VPS39: variants seen among roughly 807,000 people sequenced by gnomAD.
The protein encoded by VPS39 is vam6/Vps39-like protein.
A neutral mutation model predicts 121.0 loss-of-function variants in VPS39; 70 were observed. The ratio of observed to expected loss-of-function variants is 0.58; its 90% confidence interval spans 0.48 to 0.71. VPS39 has a LOEUF of 0.71. Among genes scored for constraint, VPS39 ranks in the 30% least tolerant of loss-of-function variants. The pLI, the probability that VPS39 is intolerant of heterozygous loss-of-function variation, is 0.00. For synonymous variants in VPS39, 378 were observed against 398.1 expected (o/e 0.95, Z 0.60); for missense variants, 818 against 1,051.5 (o/e 0.78, Z 3.07).
intron 8 of VPS39, among the ~76,000 whole-genome samples, chr15:42,179,346 G>A (rs2049525953): frequency 6.6e-6 from 1 of 151,692 alleles, no homozygotes; most frequent in Non-Finnish European, 1.5e-5. Flanking sequence ...GAGGCAGGTG[G>A]ATCACGAGGT....
At chr15:42,166,082 T>C in intron 16 of VPS39, 77 bp downstream of exon 16, 1 of 1,407,518 alleles carries the variant, frequency 7.1e-7, no homozygotes, top group Non-Finnish European at 1.0e-6. Flanking sequence ...TCCACCCTCC[T>C]CTCCATCCAC....
intron 1 of VPS39, among the ~76,000 whole-genome samples, chr15:42,201,758 A>C (rs1288420280): frequency 6.6e-6 from 1 of 152,196 alleles, no homozygotes. Context: ...ACATCATTCA[A>C]GGAAGGTAAG....
At chr15:42,180,355 C>CT in intron 8 of VPS39, among the ~76,000 whole-genome samples, 1 of 152,288 alleles carries the variant, frequency 6.6e-6, no homozygotes, top group Middle Eastern at 3.4e-3. Context: ...GGTTATACTC[C>CT]TTTTCTTCAC....
chr15:42,166,916 GC>G lies in VPS39; in HGVS notation c.1378-4del, dbSNP rs1204464997. ...GGGGCCACCAGGGCCACATTTGTCT[GC>G]AGAAAGAGCAGGAGTTCAGTGGAAA... On this transcript the variant is annotated splice_polypyrimidine_tract_variant and splice_region_variant and intron_variant, in intron 13 of 24. Transcript: ENST00000318006. The G allele has an allele frequency of 9.9e-6, 16 of 1,614,002 alleles. No individual in the cohort carries two copies. The highest frequency in any genetic ancestry group is 1.3e-5 in the Non-Finnish European group (15 of 1,180,026).
intron 1 of VPS39, among the ~76,000 whole-genome samples, chr15:42,204,478 C>G (rs1357712605): frequency 6.6e-6 from 1 of 152,088 alleles, no homozygotes; most frequent in Non-Finnish European, 1.5e-5. Flanking sequence ...GACGAAACCC[C>G]GTCTCTACTA....
At chr15:42,205,839 A>G (rs1015074159) in intron 1 of VPS39, among the ~76,000 whole-genome samples, 1 of 152,194 alleles carries the variant, frequency 6.6e-6, no homozygotes, top group Non-Finnish European at 1.5e-5. Flanking sequence ...ATAGAGAGAA[A>G]TGACTGGATT....
Position 42,187,373 on chromosome 15 carries a change from G to C in VPS39, c.442-10C>G. 6.3e-7 allele frequency: 1 copy of C among 1,590,214 alleles called. No individual in the cohort carries two copies. Among genetic ancestry groups the C allele is most frequent in the Non-Finnish European group, 8.5e-7 (1 of 1,172,244 alleles). On this transcript the variant is annotated splice_polypyrimidine_tract_variant and intron_variant, in intron 6 of 24. Transcript: ENST00000318006. ...GCACACTAAAGTCCCCCTGAAAAAAGAGAGCAAGGATCTGAATGAAATAAA... is the reference window on the plus strand; with the variant it reads ...GCACACTAAAGTCCCCCTGAAAAAACAGAGCAAGGATCTGAATGAAATAAA...
chr15:42,189,827 C>T (rs149123081), intron 4 of VPS39, among the ~76,000 whole-genome samples: 1,464 of 79,432 alleles, frequency 0.018, 64 homozygotes, highest in African/African-American at 0.058. Context: ...TTTTGAGGCA[C>T]GGTCTCACTC....
rs1021723722 is a variant in VPS39 at position 42,208,264 on chromosome 15, C to A, written c.-111G>T. On this transcript the variant is annotated 5_prime_UTR_variant, in exon 1 of 25. Transcript: ENST00000318006. ...AGACCGGGATCCGGCCAGGAACCCC[C>A]CGGCTACAGGCCCTTCAACAACACA... 7.2e-7 allele frequency: 1 copy of A among 1,388,564 alleles called. No individual in the cohort carries two copies. Among genetic ancestry groups the A allele is most frequent in the South Asian group, 1.3e-5 (1 of 77,378 alleles). The allele number at this position is 1,388,564 out of a possible 1,614,324, so 86.0% of individuals were successfully genotyped here.
chr15:42,195,745 C>A (rs1363404779), intron 2 of VPS39, among the ~76,000 whole-genome samples: 1 of 152,132 alleles, frequency 6.6e-6, no homozygotes, highest in Non-Finnish European at 1.5e-5. Flanking sequence ...GCCATACTGC[C>A]CAAGGTAATT....
intron 2 of VPS39, among the ~76,000 whole-genome samples, chr15:42,194,133 C>A (rs1359774518): frequency 1.3e-5 from 2 of 152,060 alleles, no homozygotes; most frequent in Non-Finnish European, 2.9e-5. Flanking sequence ...TAACCAAGAA[C>A]ACTTTTAAGT....
At chr15:42,198,067 T>G (rs1362895880) in intron 2 of VPS39, among the ~76,000 whole-genome samples, 1 of 152,176 alleles carries the variant, frequency 6.6e-6, no homozygotes, top group South Asian at 2.1e-4. Flanking sequence ...AAAGGTGACA[T>G]GATAAAATGA....
Position 42,184,574 on chromosome 15 carries a change from C to T in VPS39, c.661G>A (p.Glu221Lys), listed in dbSNP as rs1244258137. ...QDDLTVVLNE[E>K]GICTQKCALN... is the part of the protein sequence containing the mutation. The stretch of plus-strand genomic sequence containing the variant: ...GCACATTTCTGTGTGCAGATCCCTT[C>T]CTCATTGAGTACCACGGTGAGATCA... The change falls in exon 8 of 25, where the codon GAA (glutamate) becomes AAA (lysine). Residue 221 changes from glutamate to lysine, a missense_variant. Coordinates refer to ENST00000318006, the MANE Select transcript of VPS39 (RefSeq NM_015289.5). 1.2e-6 allele frequency: 2 copies of T among 1,614,170 alleles called. No homozygotes were observed. Among genetic ancestry groups the T allele is most frequent in the Non-Finnish European group, 1.7e-6 (2 of 1,180,032 alleles).
intron 24 of VPS39, chr15:42,161,282 T>G (rs2049121042): frequency 2.7e-6 from 1 of 373,496 alleles, no homozygotes; most frequent in African/African-American, 2.1e-5. Context: ...GTATATGTCT[T>G]AACACAGTAT....
chr15:42,166,391 AG>A (rs2049242995), intron 15 of VPS39, among the ~76,000 whole-genome samples, 159 bp from the exon 16 acceptor site: 1 of 152,244 alleles, frequency 6.6e-6, no homozygotes. Context: ...GCTCCATACC[AG>A]GGGGCTGTCA....
intron 11 of VPS39, among the ~76,000 whole-genome samples, chr15:42,172,188 G>A (rs908338268): frequency 6.6e-6 from 1 of 152,180 alleles, no homozygotes; most frequent in Non-Finnish European, 1.5e-5. Flanking sequence ...AAGAGTGAGA[G>A]TCACAAAAGA....
chr15:42,179,232 A>C (rs532865479), intron 8 of VPS39: 2 of 152,410 alleles, frequency 1.3e-5, no homozygotes, highest in East Asian at 3.9e-4. Context: ...CAGTGGGAGA[A>C]CCAGGTAACA....
At chr15:42,191,678 G>T in intron 2 of VPS39, 118 bp from the exon 3 acceptor site, 1 of 874,008 alleles carries the variant, frequency 1.1e-6, no homozygotes, top group Non-Finnish European at 1.8e-6. Flanking sequence ...GTTCCTGAAA[G>T]ACTAAAAATC....
intron 2 of VPS39, 124 bp downstream of exon 2, chr15:42,199,771 AT>A: frequency 9.6e-7 from 1 of 1,039,934 alleles, no homozygotes. Flanking sequence ...TCTTCTCCCC[AT>A]TTTCCCACCG....
Sources: gnomAD v4.1 joint callset for allele counts (sites outside exome capture counted in the v4.1 genomes callset) on GRCh38, gnomAD v4.1.1 for gene constraint, MANE v1.5 for transcripts, NCBI Gene and HGNC (gene_info 2026-07-23, HGNC 2026-07-21) for gene names.